The following DOCK9 variants were observed in gnomAD, a reference collection of about 807,000 sequenced individuals.
DOCK9 encodes dedicator of cytokinesis protein 9.
DOCK9 carries 89 observed loss-of-function variants against 263.3 expected under a neutral mutation model. That is an observed-to-expected ratio of 0.34 (90% confidence interval 0.28 to 0.40). The LOEUF is 0.40. DOCK9 is among the 10% of genes least tolerant of loss of function. DOCK9 has a pLI of 1.00. For missense variants in DOCK9, 2,140 were observed against 2,603.4 expected, an observed-to-expected ratio of 0.82 and a Z score of 3.87; for synonymous variants, 976 against 973.1, an observed-to-expected ratio of 1.00 and a Z score of -0.06.
At chr13:98,882,117 G>C (rs1312762027) in intron 23 of DOCK9, 110 bp from the exon 24 acceptor site, 2 of 894,848 alleles carry the variant, frequency 2.2e-6, no homozygotes, top group Non-Finnish European at 3.5e-6. Context: ...AAAACAAAGG[G>C]AAGGCTGTGG....
chr13:98,961,995 C>A (rs1311416235), intron 1 of DOCK9, among the ~76,000 whole-genome samples: 1 of 152,322 alleles, frequency 6.6e-6, no homozygotes, highest in East Asian at 1.9e-4. Context: ...ACAAAAGAAA[C>A]CTCACAGAAG....
chr13:99,060,344 T>G (rs2041132510), intron 1 of DOCK9, among the ~76,000 whole-genome samples: 1 of 152,194 alleles, frequency 6.6e-6, no homozygotes. Flanking sequence ...CCCAAAGTGC[T>G]GGGATTACAG....
At chr13:98,997,319 G>A (rs565908629) in intron 1 of DOCK9, among the ~76,000 whole-genome samples, 1 of 152,306 alleles carries the variant, frequency 6.6e-6, no homozygotes, top group South Asian at 2.1e-4. Flanking sequence ...CACGCCCAGA[G>A]GCAAACAATA....
chr13:98,931,541 G>A lies in DOCK9; in HGVS notation c.244-1284C>T, dbSNP rs137970553. Among the ~76,000 whole-genome samples, 594 of 151,736 alleles carry A rather than the reference G, an allele frequency of 3.9e-3. 4 individuals carry two copies. Among genetic ancestry groups the A allele is most frequent in the African/African-American group, 0.014 (568 of 41,346 alleles). ...TCTCAATCTCCTGACCTCGTGATCT[G>A]CCCACCTCGGCCTCCCAAAGTGCTG... On this transcript the variant is annotated intron_variant, in intron 2 of 52. Transcript: ENST00000682017.
chr13:98,863,784 A>G (rs980790822), intron 30 of DOCK9, among the ~76,000 whole-genome samples: 2 of 152,236 alleles, frequency 1.3e-5, no homozygotes, highest in African/African-American at 4.8e-5. Flanking sequence ...AATTAAGTGC[A>G]CTGGATTTTG....
intron 2 of DOCK9, among the ~76,000 whole-genome samples, chr13:98,931,586 C>G (rs2140306547): frequency 6.6e-6 from 1 of 151,830 alleles, no homozygotes; most frequent in Admixed American, 6.6e-5. Flanking sequence ...GCGTGAGCCA[C>G]TGCGCCCAGC....
At chr13:98,915,289 C>G in intron 8 of DOCK9, 40 bp downstream of exon 8, 1 of 1,593,880 alleles carries the variant, frequency 6.3e-7, no homozygotes, top group East Asian at 2.2e-5. Flanking sequence ...AAGACACCCA[C>G]AGAGTGTGTA....
chr13:98,914,282 C>G (rs1332713462), intron 9 of DOCK9, 46 bp downstream of exon 9: 3 of 1,511,320 alleles, frequency 2.0e-6, no homozygotes, highest in Non-Finnish European at 2.7e-6. Context: ...ATGAGACATA[C>G]TTCAACAGCA....
intron 3 of DOCK9, among the ~76,000 whole-genome samples, chr13:98,928,779 T>C (rs867246832): frequency 1.3e-5 from 2 of 152,216 alleles, no homozygotes; most frequent in Non-Finnish European, 2.9e-5. Flanking sequence ...GGCTGGATTT[T>C]GCTTGCAGGT....
chr13:98,827,147 G>A (rs2092576231), intron 43 of DOCK9, among the ~76,000 whole-genome samples: 1 of 152,148 alleles, frequency 6.6e-6, no homozygotes, highest in Non-Finnish European at 1.5e-5. Flanking sequence ...TATTACATTT[G>A]TAAAGTAAAA....
Position 98,931,659 on chromosome 13 carries a change from A to T in DOCK9, c.244-1402T>A, listed in dbSNP as rs1398387010. ...GTCACCCAGGCTGGAGTGCAGTGGCATGATCTCGGCTCACTGCAACCTCTG... is the reference window on the plus strand; with the variant it reads ...GTCACCCAGGCTGGAGTGCAGTGGCTTGATCTCGGCTCACTGCAACCTCTG... On this transcript the variant is annotated intron_variant, in intron 2 of 52. Transcript: ENST00000682017. Among the ~76,000 whole-genome samples the T allele has an allele frequency of 2.0e-5, 3 of 151,750 alleles. No homozygotes were observed. The South Asian group carries it at 6.3e-4, about 32-fold the overall frequency.
chr13:98,845,897 G>A, intron 38 of DOCK9, 27 bp downstream of exon 38: 1 of 1,610,822 alleles, frequency 6.2e-7, no homozygotes. Context: ...ATGGCTGGCT[G>A]TTACGATGGC....
At chr13:98,925,979 A>G in intron 3 of DOCK9, 60 bp from the exon 4 acceptor site, 1 of 1,394,178 alleles carries the variant, frequency 7.2e-7, no homozygotes. Context: ...ATTTTTGGAA[A>G]ACACTTGGGA....
intron 1 of DOCK9, among the ~76,000 whole-genome samples, chr13:98,999,892 C>T (rs534733167): frequency 3.3e-5 from 5 of 152,204 alleles, no homozygotes; most frequent in East Asian, 3.9e-4. Context: ...AAAGTGAAAA[C>T]GGAAATTCAG....
rs1438620606 is a variant in DOCK9, at chr13:98,953,627, C to T, written c.243+1808G>A. On this transcript the variant is annotated intron_variant, in intron 2 of 52. Transcript: ENST00000682017. ...TCATGTTGAGAGAAATTTGAGATAA[C>T]CTTTAGCTTCCTCAGACAACACTAC... Among the ~76,000 whole-genome samples, 3 of 152,182 alleles carry T rather than the reference C, an allele frequency of 2.0e-5. No individual in the cohort carries two copies. In the East Asian group the frequency reaches 5.8e-4, roughly 29 times the overall value.
intron 15 of DOCK9, among the ~76,000 whole-genome samples, chr13:98,897,152 C>G (rs1348513743): frequency 6.6e-6 from 1 of 152,178 alleles, no homozygotes; most frequent in African/African-American, 2.4e-5. Context: ...GAATTTGTCC[C>G]CTTCTTCCTG....
chr13:98,922,860 T>G (rs1231673333), intron 5 of DOCK9, among the ~76,000 whole-genome samples: 3 of 152,238 alleles, frequency 2.0e-5, no homozygotes, highest in Non-Finnish European at 2.9e-5. Flanking sequence ...TATAGTTCTT[T>G]AGCCATGAGC....
At chr13:99,012,097 T>A (rs889643417) in intron 1 of DOCK9, among the ~76,000 whole-genome samples, 9 of 152,200 alleles carry the variant, frequency 5.9e-5, no homozygotes, top group Admixed American at 5.2e-4. Context: ...ACTACAGGTG[T>A]GAGCCACAGC....
intron 41 of DOCK9, among the ~76,000 whole-genome samples, chr13:98,830,101 T>C (rs1463503157): frequency 1.3e-5 from 2 of 152,224 alleles, no homozygotes; most frequent in African/African-American, 2.4e-5. Context: ...TATTTCTCAG[T>C]TTTCAGTTTG....
Sources: allele counts gnomAD v4.1 joint callset (sites outside exome capture counted in the v4.1 genomes callset), GRCh38; gene constraint gnomAD v4.1.1; transcripts MANE v1.5; gene names NCBI Gene and HGNC (gene_info 2026-07-23, HGNC 2026-07-21).